Variants in DNM1 observed in about 807,000 individuals in gnomAD.
The protein encoded by DNM1 is dynamin 1.
A neutral mutation model predicts 104.6 loss-of-function variants in DNM1; 29 were observed. That is an observed-to-expected ratio of 0.28 (90% CI 0.21 to 0.38). The LOEUF (loss-of-function observed/expected upper bound fraction) is 0.38, where lower values mean the gene tolerates loss of function less well. Ranked by LOEUF, DNM1 falls within the 10% of genes least tolerant of loss-of-function variation. The probability of loss-of-function intolerance (pLI) is 1.00; values close to 1 mark genes in which losing one functional copy is unlikely to be tolerated. For missense variants in DNM1, 640 were observed against 1,189.4 expected (o/e 0.54, Z 6.79); for synonymous variants, 445 against 475.8 (o/e 0.94, Z 0.84).
At chr9:128,234,200 G>A (rs959925766) in intron 11 of DNM1, 93 bp downstream of exon 11, 23 of 1,026,600 alleles carry the variant, frequency 2.2e-5, no homozygotes, top group Non-Finnish European at 3.2e-5. Context: ...CTTCCTTCTT[G>A]TTTTGTCTCT....
At position 128,253,198 on chromosome 9, in the gene DNM1, C is replaced by T; in HGVS notation, c.2535-1456C>T. On this transcript the variant is annotated intron_variant, in intron 21 of 21. Transcript: ENST00000372923. This position sits in a 1 kb window ranked among gnomAD's most constrained non-coding sequence, Gnocchi z 5.9. ...TGTGTCTGCCCCGCTGCACTAGCTCCACACGGGGCGCGCACCTGGGACCTC... is the reference window on the plus strand; with the variant it reads ...TGTGTCTGCCCCGCTGCACTAGCTCTACACGGGGCGCGCACCTGGGACCTC... The T allele has an allele frequency of 6.5e-7, 1 of 1,536,892 alleles. No individual in the cohort carries two copies. The highest frequency in any genetic ancestry group is 8.9e-7 in the Non-Finnish European group (1 of 1,125,722).
Position 128,218,307 on chromosome 9 carries a change from A to T in DNM1, c.235+3A>T. 1 of 1,614,152 alleles carries T rather than the reference A, an allele frequency of 6.2e-7. No individual in the cohort carries two copies. The highest frequency in any genetic ancestry group is 1.1e-5 in the South Asian group (1 of 91,086). On this transcript the variant is annotated splice_donor_region_variant and intron_variant, in intron 2 of 21. Coordinates refer to ENST00000372923, the MANE Select transcript of DNM1 (RefSeq NM_004408.4). This position sits in a 1 kb window ranked among gnomAD's most constrained non-coding sequence, Gnocchi z 4.8. ...GCAGCTGGTCAATGCAACCACAGGTACGTGCCCTCCTTCACCAGCAGCCAG... is the reference window on the plus strand; with the variant it reads ...GCAGCTGGTCAATGCAACCACAGGTTCGTGCCCTCCTTCACCAGCAGCCAG...
At chr9:128,242,646 G>A (rs1362065539) in intron 15 of DNM1, among the ~76,000 whole-genome samples, 4 of 152,160 alleles carry the variant, frequency 2.6e-5, no homozygotes, top group African/African-American at 9.7e-5. Context: ...TGTAATCCCA[G>A]CTACTAGGGA....
intron 10 of DNM1, among the ~76,000 whole-genome samples, chr9:128,229,688 G>A (rs921267759): frequency 6.6e-6 from 1 of 151,614 alleles, no homozygotes; most frequent in Non-Finnish European, 1.5e-5. Context: ...GCCGAGGCAG[G>A]TGGATCACCT....
rs1835101754 is a variant in DNM1, at chr9:128,222,802, G to T, written c.1138G>T (p.Asp380Tyr). Residue 380 changes from aspartate (D) to tyrosine (Y), a missense_variant, in exon 9 of 22, where the codon GAT (aspartate) becomes TAT (tyrosine). Asp to Tyr is a radical substitution (Grantham distance 160). Transcript: ENST00000372923. This position sits in a 1 kb window ranked among gnomAD's most constrained non-coding sequence, Gnocchi z 7.8. ...FPFELVKMEF[D>Y]EKELRREISY... ...CTGCTTTTCTACACAGATGGAGTTT[G>T]ATGAGAAGGAACTCCGAAGGGAGAT... 2 of 1,614,120 alleles carry T rather than the reference G, an allele frequency of 1.2e-6. No individual in the cohort carries two copies. The highest frequency in any genetic ancestry group is 1.7e-6 in the Non-Finnish European group (2 of 1,180,008).
chr9:128,253,577 T>C lies in DNM1; in HGVS notation c.2535-1077T>C, dbSNP rs756189781. ...GGTGTGCAGTCTGAGTCATGCTCCCTGGGTAGGGCATCCAGCTCCCAGCCT... is the reference window on the plus strand; with the variant it reads ...GGTGTGCAGTCTGAGTCATGCTCCCCGGGTAGGGCATCCAGCTCCCAGCCT... On this transcript the variant is annotated intron_variant, in intron 21 of 21. Transcript: ENST00000372923. This position sits in a 1 kb window ranked among gnomAD's most constrained non-coding sequence, Gnocchi z 5.9. 9 of 201,204 alleles carry C rather than the reference T, an allele frequency of 4.5e-5. No homozygotes were observed. Among genetic ancestry groups the C allele is most frequent in the Non-Finnish European group, 8.0e-5 (8 of 100,472 alleles). The allele number at this position is 201,204 out of a possible 1,614,324, so 12.5% of individuals were successfully genotyped here.
At position 128,253,201 on chromosome 9, in the gene DNM1, A is replaced by G; in HGVS notation, c.2535-1453A>G. 1 of 1,519,598 alleles carries G rather than the reference A, an allele frequency of 6.6e-7. No individual in the cohort carries two copies. The highest frequency in any genetic ancestry group is 1.4e-5 in the African/African-American group (1 of 73,438). 94.1% of individuals were successfully genotyped at this position (1,519,598 alleles called of 1,614,324 possible). A position where few individuals can be genotyped will look rare whatever the true frequency, so the allele number is the denominator to read the frequency against. On this transcript the variant is annotated intron_variant, in intron 21 of 21. Coordinates refer to ENST00000372923, the MANE Select transcript of DNM1 (RefSeq NM_004408.4). The surrounding 1 kb of genome is among the most constrained non-coding windows in gnomAD (Gnocchi z 5.9). ...GTCTGCCCCGCTGCACTAGCTCCACACGGGGCGCGCACCTGGGACCTCAGA... is the reference window on the plus strand; with the variant it reads ...GTCTGCCCCGCTGCACTAGCTCCACGCGGGGCGCGCACCTGGGACCTCAGA...
intron 15 of DNM1, among the ~76,000 whole-genome samples, chr9:128,244,142 A>AGT (rs1554782189): frequency 1.0e-4 from 15 of 147,046 alleles, no homozygotes; most frequent in African/African-American, 3.8e-4. Context: ...GTGTGTGGGG[A>AGT]GGGGGCTCTA....
chr9:128,242,526 G>A (rs369550531), intron 15 of DNM1, among the ~76,000 whole-genome samples, 181 bp downstream of exon 15: 1 of 152,100 alleles, frequency 6.6e-6, no homozygotes, highest in African/African-American at 2.4e-5. Context: ...TTGGGAGGCC[G>A]AGGCAGGTGG....
intron 1 of DNM1, among the ~76,000 whole-genome samples, chr9:128,215,710 T>C (rs73672445): frequency 0.13 from 19,128 of 152,184 alleles, 1,764 homozygotes; most frequent in East Asian, 0.35. Context: ...TGCGTGGGCC[T>C]GTCTGCTCAA....
At chr9:128,212,805 A>G (rs1469856178) in intron 1 of DNM1, among the ~76,000 whole-genome samples, 1 of 136,304 alleles carries the variant, frequency 7.3e-6, no homozygotes, top group East Asian at 1.9e-4. Flanking sequence ...CCATTCACCC[A>G]TTTTAAAGGC....
At position 128,222,045 on chromosome 9, in the gene DNM1, A is replaced by T; in HGVS notation, c.850-152A>T. On this transcript the variant is annotated intron_variant, in intron 6 of 21. Coordinates refer to ENST00000372923, the MANE Select transcript of DNM1 (RefSeq NM_004408.4). This position sits in a 1 kb window ranked among gnomAD's most constrained non-coding sequence, Gnocchi z 7.8. ...ACATCTCTGCAAGCTCCTTCTATGA[A>T]CCAGTTTTCTTGCTAGTGGCCCGGG... The T allele has an allele frequency of 1.2e-6, 1 of 816,406 alleles. No homozygotes were observed. Among genetic ancestry groups the T allele is most frequent in the South Asian group, 2.2e-5 (1 of 46,198 alleles). 50.6% of individuals were successfully genotyped at this position (816,406 alleles called of 1,614,324 possible).
chr9:128,221,015 CT>C (rs1249853456), intron 6 of DNM1: 6 of 132,990 alleles, frequency 4.5e-5, no homozygotes, highest in African/African-American at 2.0e-4. Context: ...TCCTTCCTTC[CT>C]TTCTTTCTCT....
chr9:128,252,163 G>A (rs1180847197), intron 21 of DNM1: 5 of 202,550 alleles, frequency 2.5e-5, no homozygotes, highest in Non-Finnish European at 4.0e-5. Flanking sequence ...TGGGGATCGA[G>A]GGAGACAGTG....
intron 1 of DNM1, among the ~76,000 whole-genome samples, chr9:128,216,011 C>A (rs945761499): frequency 6.6e-6 from 1 of 152,074 alleles, no homozygotes; most frequent in Admixed American, 6.5e-5. Context: ...AGATTGAGAC[C>A]GGAAGTCCTC....
chr9:128,223,368 A>T (rs1835137135), intron 9 of DNM1: 1 of 157,238 alleles, frequency 6.4e-6, no homozygotes, highest in African/African-American at 2.4e-5. Context: ...TGGGAGGTGG[A>T]ATCTGTTCCT....
chr9:128,232,318 C>T lies in DNM1; in HGVS notation c.1336-1703C>T, dbSNP rs71497683. 4.0e-3 allele frequency among the ~76,000 whole-genome samples: 614 copies of T among 152,286 alleles called. 5 individuals are homozygous for T. Among genetic ancestry groups the T allele is most frequent in the Non-Finnish European group, 7.0e-3 (473 of 68,004 alleles). ...AGAGCGGGAGCCCTTCCTTGAGCCT[C>T]AGGAGCAGTGGGGTTCACAGGGCCC... On this transcript the variant is annotated intron_variant, in intron 10 of 21. Coordinates refer to ENST00000372923, the MANE Select transcript of DNM1 (RefSeq NM_004408.4).
rs2267957 is a variant in DNM1, at chr9:128,253,050, G to A, written c.2535-1604G>A. The stretch of plus-strand genomic sequence containing the variant: ...TGTGTGTGTCCCCCACCCCCAGGCC[G>A]GCCCCACCCGTGCGTGTGAACTGCC... On this transcript the variant is annotated intron_variant, in intron 21 of 21. Coordinates refer to ENST00000372923, the MANE Select transcript of DNM1 (RefSeq NM_004408.4). This position sits in a 1 kb window ranked among gnomAD's most constrained non-coding sequence, Gnocchi z 5.9. 2.8e-5 allele frequency: 44 copies of A among 1,596,488 alleles called. No homozygotes were observed. The East Asian group carries it at 3.1e-4, about 11-fold the overall frequency.
In DNM1 at chr9:128,253,169, A is replaced by G. The variant is rs1829635455; in HGVS notation, c.2535-1485A>G. 1 of 1,597,976 alleles carries G rather than the reference A, an allele frequency of 6.3e-7. No homozygotes were observed. Among genetic ancestry groups the G allele is most frequent in the African/African-American group, 1.3e-5 (1 of 74,790 alleles). On this transcript the variant is annotated intron_variant, in intron 21 of 21. Coordinates refer to ENST00000372923, the MANE Select transcript of DNM1 (RefSeq NM_004408.4). This position sits in a 1 kb window ranked among gnomAD's most constrained non-coding sequence, Gnocchi z 5.9. ...ACATGCCTCACCGCCTGCTGCATGA[A>G]CGGTGTGTCTGCCCCGCTGCACTAG...
Sources: gnomAD v4.1 joint callset for allele counts (sites outside exome capture counted in the v4.1 genomes callset) on GRCh38, gnomAD v4.1.1 for gene constraint, Gnocchi (gnomAD v3.1) non-coding constraint, MANE v1.5 for transcripts, NCBI Gene and HGNC (gene_info 2026-07-23, HGNC 2026-07-21) for gene names.